NRXN3: variants seen among roughly 807,000 people sequenced by gnomAD.
The protein encoded by NRXN3 is neurexin 3.
In NRXN3, 32 loss-of-function variants were observed where a neutral mutation model predicts 137.6. The observed-to-expected ratio is 0.23, with a 90% CI of 0.18 to 0.31. The LOEUF (loss-of-function observed/expected upper bound fraction) is 0.31. Among genes scored for constraint, NRXN3 ranks in the 10% least tolerant of loss-of-function variants. NRXN3 has a pLI of 1.00. For missense variants in NRXN3, 1,574 were observed against 2,062.5 expected, an observed-to-expected ratio of 0.76 and a Z score of 4.59; for synonymous variants, 798 against 784.5, an observed-to-expected ratio of 1.02 and a Z score of -0.29.
chr14:78,454,273 C>G (rs2094626304), intron 4 of NRXN3, among the ~76,000 whole-genome samples: 1 of 151,948 alleles, frequency 6.6e-6, no homozygotes, highest in Non-Finnish European at 1.5e-5. Context: ...TCAACCTTCA[C>G]CATACTCTAG....
chr14:78,709,811 G>C (rs12147249), intron 7 of NRXN3, 156 bp downstream of exon 7: 457,788 of 677,780 alleles, frequency 0.68, 162,350 homozygotes, highest in East Asian at 0.77. Context: ...TTTCTGAAAA[G>C]ATACCTGTCT....
intron 14 of NRXN3, among the ~76,000 whole-genome samples, chr14:78,974,442 T>A (rs2099456287): frequency 1.3e-5 from 2 of 152,232 alleles, no homozygotes; most frequent in Admixed American, 1.3e-4. Flanking sequence ...CTGAAAGTTC[T>A]CATCCAAAGG....
In NRXN3 at chr14:79,630,708, C is replaced by T. The variant is rs140785796; in HGVS notation, c.3445-33070C>T. Among the ~76,000 whole-genome samples the T allele has an allele frequency of 1.5e-3, 227 of 152,270 alleles. 1 individual carries two copies. Among genetic ancestry groups the T allele is most frequent in the African/African-American group, 5.2e-3 (214 of 41,550 alleles). ...ATTTTATGCATCATCCACTGATTCT[C>T]ATCTAAACCCCAGGCCATTTTGCGT... is the stretch of plus-strand genomic sequence containing the variant. On this transcript the variant is annotated intron_variant, in intron 16 of 20. Coordinates refer to ENST00000335750, the MANE Select transcript of NRXN3 (RefSeq NM_001330195.2).
At chr14:79,233,031 TC>T (rs2153277134) in intron 15 of NRXN3, among the ~76,000 whole-genome samples, 1 of 152,246 alleles carries the variant, frequency 6.6e-6, no homozygotes, top group Non-Finnish European at 1.5e-5. Flanking sequence ...TTTTCATGTT[TC>T]CTCCAGGAAT....
intron 16 of NRXN3, among the ~76,000 whole-genome samples, chr14:79,574,150 G>A (rs575893592): frequency 1.1e-4 from 17 of 152,008 alleles, no homozygotes; most frequent in African/African-American, 4.1e-4. Flanking sequence ...GAATATGATT[G>A]TATTCTATCA....
intron 15 of NRXN3, among the ~76,000 whole-genome samples, chr14:79,458,356 T>C (rs1055792559): frequency 1.1e-4 from 17 of 152,214 alleles, no homozygotes; most frequent in African/African-American, 4.1e-4. Context: ...TGCTGTGAGC[T>C]CTAACTGATG....
intron 19 of NRXN3, among the ~76,000 whole-genome samples, chr14:79,723,966 C>A (rs1462985672): frequency 6.6e-6 from 1 of 152,112 alleles, no homozygotes; most frequent in Non-Finnish European, 1.5e-5. Context: ...TAACCCATTT[C>A]TCTTTACTTT....
chr14:79,288,170 A>T (rs1033538512), intron 15 of NRXN3, among the ~76,000 whole-genome samples: 4 of 152,230 alleles, frequency 2.6e-5, no homozygotes, highest in Non-Finnish European at 4.4e-5. Context: ...CAGAAGCAGC[A>T]TAATGTACCA....
intron 4 of NRXN3, among the ~76,000 whole-genome samples, chr14:78,401,815 T>C (rs1276464295): frequency 2.0e-5 from 3 of 152,190 alleles, no homozygotes; most frequent in African/African-American, 7.2e-5. Flanking sequence ...AGCTAAACTA[T>C]TCATTATAGT....
At chr14:79,590,886 G>C (rs1242965447) in intron 16 of NRXN3, among the ~76,000 whole-genome samples, 1 of 152,028 alleles carries the variant, frequency 6.6e-6, no homozygotes, top group African/African-American at 2.4e-5. Flanking sequence ...GAATTGTTCT[G>C]GCACTTTTGC....
intron 2 of NRXN3, among the ~76,000 whole-genome samples, chr14:78,257,127 T>C (rs2069768835): frequency 1.3e-5 from 2 of 152,252 alleles, no homozygotes; most frequent in South Asian, 4.1e-4. Flanking sequence ...TCAGGATTAC[T>C]AACGCTATCA....
chr14:78,747,417 T>C (rs1048134698), intron 8 of NRXN3, among the ~76,000 whole-genome samples: 1 of 152,250 alleles, frequency 6.6e-6, no homozygotes, highest in Non-Finnish European at 1.5e-5. Context: ...GCTTTAGTGA[T>C]CTGCTAAGGC....
chr14:79,298,197 G>T (rs1008440022), intron 15 of NRXN3, among the ~76,000 whole-genome samples: 32 of 152,092 alleles, frequency 2.1e-4, no homozygotes, highest in African/African-American at 7.2e-4. Context: ...ATATCCATCA[G>T]ATTTTCTAAA....
chr14:78,618,856 G>T (rs1417598535), intron 4 of NRXN3, among the ~76,000 whole-genome samples: 2 of 152,194 alleles, frequency 1.3e-5, no homozygotes, highest in African/African-American at 4.8e-5. Flanking sequence ...AAATTTTTGT[G>T]CTCCAAATAA....
rs763776970 is a variant in NRXN3 at position 79,663,845 on chromosome 14, C to A, written c.3512C>A (p.Thr1171Asn). 3.5e-5 allele frequency: 56 copies of A among 1,613,314 alleles called. No homozygotes were observed. The highest frequency in any genetic ancestry group is 5.0e-5 in the Admixed American group (3 of 59,890). ...TVDISIKEERTPVNDGKYHVV... is the reference protein window; with the variant it reads ...TVDISIKEERNPVNDGKYHVV... ...GACATCTCCATCAAAGAGGAGAGAACCCCTGTAAATGACGGCAAATACCAT... is the reference window on the plus strand; with the variant it reads ...GACATCTCCATCAAAGAGGAGAGAAACCCTGTAAATGACGGCAAATACCAT... The change falls in exon 17 of 21, where the codon ACC becomes AAC. Residue 1171 changes from threonine (T) to asparagine (N), a missense_variant. Physicochemically the swap from Thr to Asn is moderately conservative, Grantham distance 65 (BLOSUM62 0). Around this residue, in one of 5 missense-constraint regions of NRXN3, gnomAD observed 133 missense variants for 241.8 expected, o/e 0.55. Coordinates refer to ENST00000335750, the MANE Select transcript of NRXN3 (RefSeq NM_001330195.2).
At chr14:79,757,254 G>A (rs1228495776) in intron 19 of NRXN3, among the ~76,000 whole-genome samples, 1 of 151,310 alleles carries the variant, frequency 6.6e-6, no homozygotes, top group African/African-American at 2.4e-5. Flanking sequence ...AATAAAGATA[G>A]TTGTAAAATG....
chr14:78,778,789 TTTC>T (rs2098756992), intron 8 of NRXN3, among the ~76,000 whole-genome samples: 2 of 143,784 alleles, frequency 1.4e-5, no homozygotes, highest in African/African-American at 5.3e-5. Context: ...TCTTTCTTTC[TTTC>T]TTTCTTTCTT....
intron 4 of NRXN3, among the ~76,000 whole-genome samples, chr14:78,629,518 G>C (rs928176385): frequency 6.6e-6 from 1 of 152,202 alleles, no homozygotes; most frequent in African/African-American, 2.4e-5. Flanking sequence ...GGATGCACTG[G>C]AGGCTGCCAT....
chr14:79,757,229 T>C (rs768872716), intron 19 of NRXN3, among the ~76,000 whole-genome samples: 1 of 152,150 alleles, frequency 6.6e-6, no homozygotes, highest in South Asian at 2.1e-4. Flanking sequence ...CAACAACGTA[T>C]TCAGATGGAA....
Sources: gnomAD v4.1 joint callset for allele counts (sites outside exome capture counted in the v4.1 genomes callset) on GRCh38, gnomAD v4.1.1 for gene constraint, gnomAD v4.1.1 regional missense constraint, MANE v1.5 for transcripts, NCBI Gene and HGNC (gene_info 2026-07-23, HGNC 2026-07-21) for gene names.